The following INTS9 variants were observed in gnomAD, a reference collection of about 807,000 sequenced individuals.
INTS9 encodes the protein protein related to CPSF subunits of 74 kDa.
INTS9 carries 55 observed loss-of-function variants against 79.7 expected under a neutral mutation model. That is an observed-to-expected ratio of 0.69 (90% CI 0.56 to 0.86). The LOEUF is 0.86. Among genes scored for constraint, INTS9 ranks in the 40% least tolerant of loss-of-function variants. The probability of loss-of-function intolerance (pLI) is 0.00; values close to 1 mark genes in which losing one functional copy is unlikely to be tolerated. For missense variants in INTS9, 721 were observed against 831.5 expected, an observed-to-expected ratio of 0.87 and a Z score of 1.64; for synonymous variants, 319 against 325.2, an observed-to-expected ratio of 0.98 and a Z score of 0.20.
chr8:28,792,995 A>T (rs966820673), intron 10 of INTS9, among the ~76,000 whole-genome samples: 1 of 152,204 alleles, frequency 6.6e-6, no homozygotes, highest in Admixed American at 6.5e-5. Context: ...GCGGGGAAAA[A>T]AACGACCACA....
intron 4 of INTS9, among the ~76,000 whole-genome samples, chr8:28,842,617 A>AG (rs1159822329): frequency 6.6e-6 from 1 of 151,702 alleles, no homozygotes; most frequent in Admixed American, 6.6e-5. Context: ...GTGTGTTAAT[A>AG]GGCTCCTGAA....
intron 4 of INTS9, among the ~76,000 whole-genome samples, chr8:28,841,673 A>G (rs952566024): frequency 2.0e-5 from 3 of 152,188 alleles, no homozygotes; most frequent in Admixed American, 6.5e-5. Flanking sequence ...AAACTTAACT[A>G]CTAATAGCCT....
At chr8:28,791,372 A>G (rs929767198) in intron 10 of INTS9, among the ~76,000 whole-genome samples, 3 of 152,100 alleles carry the variant, frequency 2.0e-5, no homozygotes, top group Non-Finnish European at 2.9e-5. Flanking sequence ...TACTGTAACA[A>G]TAAAGAACTA....
At chr8:28,881,352 C>T (rs1262173659) in intron 1 of INTS9, among the ~76,000 whole-genome samples, 1 of 127,776 alleles carries the variant, frequency 7.8e-6, no homozygotes, top group Non-Finnish European at 1.6e-5. Flanking sequence ...AGGTGAGGGG[C>T]GCCTCTGCCC....
intron 8 of INTS9, among the ~76,000 whole-genome samples, chr8:28,801,680 C>T (rs1162869217): frequency 1.3e-5 from 2 of 152,164 alleles, no homozygotes; most frequent in Non-Finnish European, 2.9e-5. Flanking sequence ...GGCGTGATCT[C>T]AGCTCACTGC....
At position 28,816,170 on chromosome 8, in the gene INTS9, T is replaced by C. The variant is rs375673005; in HGVS notation, c.489-2558A>G. Among the ~76,000 whole-genome samples the C allele has an allele frequency of 3.9e-5, 6 of 152,108 alleles. No individual in the cohort carries two copies. The East Asian group carries it at 9.7e-4, about 24-fold the overall frequency. Reference sequence around the variant, plus strand: ...TTTTTTAAAAATTTTATTATTATTATACTTTAAGTTTTAGGGTACATGTGC... The same window carrying C: ...TTTTTTAAAAATTTTATTATTATTACACTTTAAGTTTTAGGGTACATGTGC... On this transcript the variant is annotated intron_variant, in intron 6 of 16. Coordinates refer to ENST00000521022, the MANE Select transcript of INTS9 (RefSeq NM_018250.4).
At chr8:28,776,163 T>C (rs760907819) in intron 13 of INTS9, 27 of 427,450 alleles carry the variant, frequency 6.3e-5, no homozygotes, top group Non-Finnish European at 9.1e-5. Context: ...TTTATCTTTC[T>C]TACTCTTTAC....
chr8:28,885,108 C>T (rs1810114084), intron 1 of INTS9, among the ~76,000 whole-genome samples: 1 of 152,188 alleles, frequency 6.6e-6, no homozygotes, highest in Non-Finnish European at 1.5e-5. Context: ...CATTTCTTTG[C>T]TCCATCTGTT....
Position 28,796,657 on chromosome 8 carries a change from T to C in INTS9, c.745-2A>G. 6.3e-7 allele frequency: 1 copy of C among 1,590,932 alleles called. No homozygotes were observed. The highest frequency in any genetic ancestry group is 8.6e-7 in the Non-Finnish European group (1 of 1,159,054). ...TTTGAGAGAAGCTTGGTCCATGGGC[T>C]GAAAAAGAACACAGAAATATGGTTA... On this transcript the variant is annotated splice_acceptor_variant, in intron 8 of 16. Transcript: ENST00000521022. LOFTEE classifies it high-confidence loss of function.
chr8:28,806,607 A>G (rs1451430713), intron 8 of INTS9, among the ~76,000 whole-genome samples: 1 of 152,240 alleles, frequency 6.6e-6, no homozygotes, highest in Non-Finnish European at 1.5e-5. Context: ...TTACAAAAAT[A>G]GATTGTGCTT....
intron 6 of INTS9, chr8:28,813,849 C>T (rs1805304790): frequency 1.1e-5 from 4 of 372,284 alleles, no homozygotes; most frequent in Non-Finnish European, 1.9e-5. Context: ...CAACCTCCAC[C>T]TCCCGGGTTC....
At chr8:28,881,443 CCGCCCGGCCAGCCGCCCCG>C (rs1809794494) in intron 1 of INTS9, among the ~76,000 whole-genome samples, 1 of 148,334 alleles carries the variant, frequency 6.7e-6, no homozygotes, top group South Asian at 2.1e-4. Flanking sequence ...GGTCAGCCCC[CCGCCCGGCCAGCCGCCCCG>C]TCCGGGAGGG....
At chr8:28,887,620 T>C (rs1240333252) in intron 1 of INTS9, among the ~76,000 whole-genome samples, 1 of 152,252 alleles carries the variant, frequency 6.6e-6, no homozygotes, top group Non-Finnish European at 1.5e-5. Context: ...ATTAAAACTT[T>C]TAGGCCATGG....
chr8:28,887,697 T>C (rs1300094618), intron 1 of INTS9, among the ~76,000 whole-genome samples: 1 of 152,252 alleles, frequency 6.6e-6, no homozygotes, highest in Non-Finnish European at 1.5e-5. Context: ...ACAATGCTTT[T>C]GGTATGTTGA....
intron 6 of INTS9, among the ~76,000 whole-genome samples, chr8:28,829,631 T>C (rs1010338982): frequency 6.6e-6 from 1 of 152,216 alleles, no homozygotes; most frequent in Non-Finnish European, 1.5e-5. Flanking sequence ...GTATTAATTC[T>C]AGGCACTTGA....
chr8:28,856,984 T>C lies in INTS9; in HGVS notation c.137+2452A>G, dbSNP rs191909878. 4.0e-3 allele frequency among the ~76,000 whole-genome samples: 605 copies of C among 152,338 alleles called. 2 individuals carry two copies. Among genetic ancestry groups the C allele is most frequent in the Middle Eastern group, 0.01 (3 of 294 alleles). On this transcript the variant is annotated intron_variant, in intron 2 of 16. Coordinates refer to ENST00000521022, the MANE Select transcript of INTS9 (RefSeq NM_018250.4). ...AGAACATGCGGTATTTGGTTTTCTA[T>C]TCTTGTGTTAATTCACCAAGAATAA...
intron 6 of INTS9, among the ~76,000 whole-genome samples, chr8:28,821,763 T>G (rs1339764548): frequency 6.6e-6 from 1 of 151,856 alleles, no homozygotes; most frequent in Non-Finnish European, 1.5e-5. Context: ...CTGTGGGTTT[T>G]TTTTTTTTTC....
At chr8:28,788,594 T>A (rs1480693912) in intron 10 of INTS9, among the ~76,000 whole-genome samples, 1 of 152,180 alleles carries the variant, frequency 6.6e-6, no homozygotes, top group African/African-American at 2.4e-5. Flanking sequence ...AATTTTTGTA[T>A]TTTTAGTAGA....
intron 8 of INTS9, among the ~76,000 whole-genome samples, chr8:28,809,395 A>G (rs578044210): frequency 6.6e-6 from 1 of 152,360 alleles, no homozygotes; most frequent in African/African-American, 2.4e-5. Flanking sequence ...GCATTAGTCT[A>G]TCAAGTTTTT....
Sources: allele counts gnomAD v4.1 joint callset (sites outside exome capture counted in the v4.1 genomes callset), GRCh38; gene constraint gnomAD v4.1.1; transcripts MANE v1.5; gene names NCBI Gene and HGNC (gene_info 2026-07-23, HGNC 2026-07-21).